The following EVC variants were observed in gnomAD, a reference collection of about 807,000 sequenced individuals.
EVC encodes evC complex member EVC.
Under a neutral mutation model 118.9 loss-of-function variants are expected in EVC, and 116 were observed. That is an observed-to-expected ratio of 0.98 (90% CI 0.84 to 1.14). EVC has a LOEUF of 1.14. Ranked by LOEUF, EVC falls within the 50% of genes most tolerant of loss-of-function variation. The probability of loss-of-function intolerance (pLI) is 0.00; values close to 1 mark genes in which losing one functional copy is unlikely to be tolerated. For synonymous variants in EVC, 619 were observed against 534.7 expected (o/e 1.16, Z -2.18); for missense variants, 1,401 against 1,246.4 (o/e 1.12, Z -1.87).
chr4:5,746,599 A>G lies in EVC; in HGVS notation c.939+1258A>G, dbSNP rs1166689143. Among the ~76,000 whole-genome samples the G allele has an allele frequency of 6.6e-5, 10 of 152,092 alleles. No individual in the cohort carries two copies. Among genetic ancestry groups the G allele is most frequent in the Non-Finnish European group, 1.5e-5 (1 of 68,008 alleles). On this transcript the variant is annotated intron_variant, in intron 7 of 20. Transcript: ENST00000264956. The surrounding 1 kb of genome is among the most constrained non-coding windows in gnomAD (Gnocchi z 5.8). Reference sequence around the variant, plus strand: ...TCTTAGAACTGTGGGCCAGGATGCTAAGGAAGAGGGCCAGCCTGGATTCCG... The same window carrying G: ...TCTTAGAACTGTGGGCCAGGATGCTGAGGAAGAGGGCCAGCCTGGATTCCG...
rs143250379 is a variant in EVC, at chr4:5,731,487, A to C, written c.447A>C (p.Pro149=). The C allele has an allele frequency of 6.2e-7, 1 of 1,613,008 alleles. No individual in the cohort carries two copies. The highest frequency in any genetic ancestry group is 8.5e-7 in the Non-Finnish European group (1 of 1,179,888). The part of the protein sequence containing the change: ...LHENLKQAVL[P]HQPVEASPSS... ...AAAACTTAAAGCAGGCTGTTTTGCC[A>C]CACCAGCCGGTAGAGGCCTCTCCTT... is the stretch of plus-strand genomic sequence containing the variant. Residue 149 remains proline, a synonymous_variant, in exon 4 of 21, where the codon CCA becomes CCC. Transcript: ENST00000264956. This position sits in a 1 kb window ranked among gnomAD's most constrained non-coding sequence, Gnocchi z 5.6.
chr4:5,731,000 C>G (rs1404181998), intron 3 of EVC, among the ~76,000 whole-genome samples: 2 of 151,868 alleles, frequency 1.3e-5, no homozygotes, highest in Non-Finnish European at 2.9e-5. Flanking sequence ...GACTCCTGCT[C>G]TGTGCAGGCG....
At chr4:5,760,659 T>A (rs1389425412) in intron 11 of EVC, among the ~76,000 whole-genome samples, 2 of 152,130 alleles carry the variant, frequency 1.3e-5, no homozygotes, top group African/African-American at 4.8e-5. Flanking sequence ...TTCCAGAGAT[T>A]CTTCTGCCTC....
chr4:5,756,422 C>G lies in EVC; in HGVS notation c.1563+60C>G, dbSNP rs1731186140. 7.0e-7 allele frequency: 1 copy of G among 1,427,488 alleles called. No individual in the cohort carries two copies. The highest frequency in any genetic ancestry group is 9.7e-7 in the Non-Finnish European group (1 of 1,031,188). 88.4% of individuals were successfully genotyped at this position (1,427,488 alleles called of 1,614,324 possible). ...CCAGGGTCTGTGTGTGTGCGAGAAC[C>G]TCACATCCTCCTGGCTGGGGACCCC... On this transcript the variant is annotated intron_variant, in intron 11 of 20. Coordinates refer to ENST00000264956, the MANE Select transcript of EVC (RefSeq NM_153717.3). This position sits in a 1 kb window ranked among gnomAD's most constrained non-coding sequence, Gnocchi z 4.2.
intron 12 of EVC, among the ~76,000 whole-genome samples, chr4:5,785,897 T>TG (rs547502607): frequency 1.2e-4 from 18 of 152,288 alleles, no homozygotes; most frequent in African/African-American, 4.3e-4. Context: ...TTACAGTCTT[T>TG]GGGGAGGGAG....
chr4:5,719,421 G>C lies in EVC; in HGVS notation c.300+48G>C. 6.2e-7 allele frequency: 1 copy of C among 1,613,232 alleles called. No individual in the cohort carries two copies. The highest frequency in any genetic ancestry group is 1.1e-5 in the South Asian group (1 of 91,002). ...TTTGTGGAGGCACATGTGGGAGGTG[G>C]GGTATTCCCCCTGGAAGCCGGGTGT... On this transcript the variant is annotated intron_variant, in intron 2 of 20. Transcript: ENST00000264956. This position sits in a 1 kb window ranked among gnomAD's most constrained non-coding sequence, Gnocchi z 4.7.
intron 14 of EVC, chr4:5,797,490 A>C (rs1411643045): frequency 1.8e-6 from 1 of 570,316 alleles, no homozygotes; most frequent in East Asian, 2.9e-5. Flanking sequence ...CTGAGACCGC[A>C]CTCCCTGGCT....
intron 12 of EVC, among the ~76,000 whole-genome samples, chr4:5,792,011 T>A (rs953123893): frequency 5.3e-5 from 8 of 151,930 alleles, no homozygotes; most frequent in African/African-American, 1.9e-4. Flanking sequence ...ATTGACAGAG[T>A]AAAATAACTA....
chr4:5,815,036 T>G (rs1266891579), downstream of EVC, among the ~76,000 whole-genome samples: 1 of 152,154 alleles, frequency 6.6e-6, no homozygotes, highest in East Asian at 1.9e-4. Context: ...CCAACTCAAC[T>G]GGCCCTTACC....
chr4:5,827,678 G>C, the EVC span, among the ~76,000 whole-genome samples: 2 of 151,690 alleles, frequency 1.3e-5, no homozygotes, highest in South Asian at 2.1e-4. Context: ...ATACACACGT[G>C]CATGCATGTA....
At chr4:5,806,947 G>A (rs546507987) in intron 17 of EVC, among the ~76,000 whole-genome samples, 3 of 152,262 alleles carry the variant, frequency 2.0e-5, no homozygotes, top group Non-Finnish European at 2.9e-5. Context: ...GATGCTCAGA[G>A]TTTTTTCACA....
chr4:5,787,087 G>A lies in EVC; in HGVS notation c.1776+3323G>A, dbSNP rs748441792. Among the ~76,000 whole-genome samples the A allele has an allele frequency of 5.9e-5, 9 of 152,274 alleles. No individual in the cohort carries two copies. The South Asian group carries it at 6.2e-4, about 11-fold the overall frequency. On this transcript the variant is annotated intron_variant, in intron 12 of 20. Transcript: ENST00000264956. ...TTTCTATCCAAAAAGACAGTGGGTCGTTTCATATCCCATTGCTCAGGGAAG... is the reference window on the plus strand; with the variant it reads ...TTTCTATCCAAAAAGACAGTGGGTCATTTCATATCCCATTGCTCAGGGAAG...
In EVC at chr4:5,719,654, A is replaced by G. The variant is rs1724614012; in HGVS notation, c.300+281A>G. Among the ~76,000 whole-genome samples, 1 of 152,032 alleles carries G rather than the reference A, an allele frequency of 6.6e-6. No individual in the cohort carries two copies. The highest frequency in any genetic ancestry group is 2.4e-5 in the African/African-American group (1 of 41,382). Reference sequence around the variant, plus strand: ...CCCTTTCTGGTCACTTCCCGCCCCCACACACTTCCAGAGGTGCCCATGCGT... The same window carrying G: ...CCCTTTCTGGTCACTTCCCGCCCCCGCACACTTCCAGAGGTGCCCATGCGT... On this transcript the variant is annotated intron_variant, in intron 2 of 20. Transcript: ENST00000264956. This position sits in a 1 kb window ranked among gnomAD's most constrained non-coding sequence, Gnocchi z 4.7.
rs952649694 is a variant in EVC, at chr4:5,810,596, A to C, written c.2894+146A>C. 3.3e-5 allele frequency: 24 copies of C among 726,446 alleles called. No homozygotes were observed. The African/African-American group carries it at 3.5e-4, about 11-fold the overall frequency. 45.0% of individuals were successfully genotyped at this position (726,446 alleles called of 1,614,324 possible). On this transcript the variant is annotated intron_variant, in intron 20 of 20. Transcript: ENST00000264956. ...TTCAAGAAATGACAGATATGAACGTAATTTGTGGGCAGTAAGCCATGATGA... is the reference window on the plus strand; with the variant it reads ...TTCAAGAAATGACAGATATGAACGTCATTTGTGGGCAGTAAGCCATGATGA...
rs1337051221 is a variant in EVC, at chr4:5,719,228, T to C, written c.175-20T>C. ...TGTTGTGTTTCTATCCACCCCCAAC[T>C]CCTGACCTTCGGGTTTTAGAAAGAC... On this transcript the variant is annotated intron_variant, in intron 1 of 20. Transcript: ENST00000264956. This position sits in a 1 kb window ranked among gnomAD's most constrained non-coding sequence, Gnocchi z 4.7. 16 of 1,614,050 alleles carry C rather than the reference T, an allele frequency of 9.9e-6. No individual in the cohort carries two copies. Among genetic ancestry groups the C allele is most frequent in the Non-Finnish European group, 1.4e-5 (16 of 1,179,972 alleles).
the EVC span, chr4:5,828,710 G>A: frequency 6.2e-7 from 1 of 1,600,534 alleles, no homozygotes; most frequent in Admixed American, 1.7e-5. Flanking sequence ...GATTTGCTCT[G>A]CCCCAAACGA....
At chr4:5,759,250 A>C (rs575955994) in intron 11 of EVC, among the ~76,000 whole-genome samples, 1 of 130,476 alleles carries the variant, frequency 7.7e-6, no homozygotes, top group African/African-American at 3.2e-5. Context: ...ACTGCAGGAG[A>C]CGTTGCCTAC....
intron 12 of EVC, among the ~76,000 whole-genome samples, chr4:5,787,260 A>G (rs1358778815): frequency 1.3e-5 from 2 of 152,242 alleles, no homozygotes. Flanking sequence ...AGAGGCCCAC[A>G]TCCTAATCCC....
At position 5,731,577 on chromosome 4, in the gene EVC, C is replaced by G; in HGVS notation, c.537C>G (p.His179Gln). The G allele has an allele frequency of 1.2e-6, 2 of 1,614,160 alleles. No individual in the cohort carries two copies. Among genetic ancestry groups the G allele is most frequent in the Non-Finnish European group, 1.7e-6 (2 of 1,180,042 alleles). The change falls in exon 4 of 21, where the codon CAC becomes CAG. Residue 179 changes from histidine to glutamine, a missense_variant. By Grantham distance (24) the His-to-Gln change is conservative. Coordinates refer to ENST00000264956, the MANE Select transcript of EVC (RefSeq NM_153717.3). This position sits in a 1 kb window ranked among gnomAD's most constrained non-coding sequence, Gnocchi z 5.6. ...ACTGCAGCTCCTCATCCAGCGTCCACTCGGCCACCAGCGATGACAGGTTTC... is the reference window on the plus strand; with the variant it reads ...ACTGCAGCTCCTCATCCAGCGTCCAGTCGGCCACCAGCGATGACAGGTTTC... ...KDDCSSSSSV[H>Q]SATSDDRFLS... is the part of the protein sequence containing the mutation.
Sources: allele counts gnomAD v4.1 joint callset (sites outside exome capture counted in the v4.1 genomes callset), GRCh38; gene constraint gnomAD v4.1.1; non-coding constraint Gnocchi (gnomAD v3.1); transcripts MANE v1.5; gene names NCBI Gene and HGNC (gene_info 2026-07-23, HGNC 2026-07-21).